PTPRD: variants seen among roughly 807,000 people sequenced by gnomAD.
PTPRD encodes the protein receptor-type tyrosine-protein phosphatase delta.
A neutral mutation model predicts 214.5 loss-of-function variants in PTPRD; 34 were observed. The ratio of observed to expected loss-of-function variants is 0.16; its 90% CI spans 0.12 to 0.21. PTPRD has a LOEUF of 0.21. Ranked by LOEUF, PTPRD falls within the 10% of genes least tolerant of loss-of-function variation. The pLI is 1.00. For missense variants in PTPRD, 2,545 were observed against 2,398.7 expected, an observed-to-expected ratio of 1.06 and a Z score of -1.27; for synonymous variants, 1,128 against 845.7, an observed-to-expected ratio of 1.33 and a Z score of -5.79.
intron 6 of PTPRD, among the ~76,000 whole-genome samples, chr9:9,763,346 C>A (rs1252212071): frequency 6.6e-6 from 1 of 152,076 alleles, no homozygotes. Context: ...AAAAGCACAT[C>A]AAATACATGA....
chr9:10,297,619 G>A (rs2095720629), intron 3 of PTPRD, among the ~76,000 whole-genome samples: 1 of 150,976 alleles, frequency 6.6e-6, no homozygotes, highest in Non-Finnish European at 1.5e-5. Flanking sequence ...AGTTGCTGGT[G>A]TACACTCTAG....
chr9:10,031,273 G>A (rs76935406), intron 4 of PTPRD, among the ~76,000 whole-genome samples: 9,106 of 152,054 alleles, frequency 0.06, 372 homozygotes, highest in Non-Finnish European at 0.088. Context: ...CTGTTAACTC[G>A]ATTGGATTGA....
intron 9 of PTPRD, among the ~76,000 whole-genome samples, chr9:9,230,311 G>T (rs940003163): frequency 1.3e-5 from 2 of 152,086 alleles, no homozygotes; most frequent in African/African-American, 4.8e-5. Context: ...AACAAAATTT[G>T]ACGAGCTTCC....
intron 9 of PTPRD, among the ~76,000 whole-genome samples, chr9:9,282,266 C>T (rs936824731): frequency 1.3e-5 from 2 of 151,102 alleles, no homozygotes; most frequent in African/African-American, 4.8e-5. Context: ...ATTGATGCTA[C>T]CAAATGTACC....
chr9:9,247,696 G>A (rs939702518), intron 9 of PTPRD, among the ~76,000 whole-genome samples: 2 of 152,142 alleles, frequency 1.3e-5, no homozygotes, highest in East Asian at 1.9e-4. Context: ...CTCCAGCAGG[G>A]AGTCACCTCT....
intron 9 of PTPRD, among the ~76,000 whole-genome samples, chr9:9,371,856 T>G (rs2059595322): frequency 6.6e-6 from 1 of 152,186 alleles, no homozygotes; most frequent in South Asian, 2.1e-4. Flanking sequence ...ATTTCTGTCT[T>G]CATTTCGTTA....
intron 11 of PTPRD, among the ~76,000 whole-genome samples, chr9:8,954,808 A>G (rs911814764): frequency 6.6e-6 from 1 of 151,952 alleles, no homozygotes; most frequent in African/African-American, 2.4e-5. Context: ...CAAGGTCTCA[A>G]TGTAAAGATT....
At chr9:8,322,908 C>T (rs1187588438) in intron 44 of PTPRD, among the ~76,000 whole-genome samples, 3 of 152,126 alleles carry the variant, frequency 2.0e-5, no homozygotes, top group Admixed American at 2.0e-4. Context: ...AGCCAAAGCT[C>T]ATTTACCATT....
chr9:9,857,420 G>A (rs2061759595), intron 5 of PTPRD, among the ~76,000 whole-genome samples: 1 of 152,154 alleles, frequency 6.6e-6, no homozygotes, highest in Non-Finnish European at 1.5e-5. Context: ...GAATAAATGT[G>A]CAGTATCTCT....
At chr9:9,077,519 C>T (rs2099753040) in intron 10 of PTPRD, among the ~76,000 whole-genome samples, 1 of 152,024 alleles carries the variant, frequency 6.6e-6, no homozygotes, top group Non-Finnish European at 1.5e-5. Context: ...AATACATACA[C>T]ATGCCAGAAT....
chr9:8,723,774 A>G (rs560242135), intron 12 of PTPRD, among the ~76,000 whole-genome samples: 1 of 152,224 alleles, frequency 6.6e-6, no homozygotes, highest in South Asian at 2.1e-4. Context: ...TTCTCTATAT[A>G]TTTATCTTTA....
At chr9:9,166,287 C>T (rs1343671328) in intron 10 of PTPRD, among the ~76,000 whole-genome samples, 1 of 151,908 alleles carries the variant, frequency 6.6e-6, no homozygotes, top group African/African-American at 2.4e-5. Context: ...TGACATATTC[C>T]TATACTCTCT....
At chr9:8,565,219 G>A (rs1029447240) in intron 14 of PTPRD, among the ~76,000 whole-genome samples, 2 of 151,954 alleles carry the variant, frequency 1.3e-5, no homozygotes, top group African/African-American at 2.4e-5. Context: ...TGGGCTGGAG[G>A]ACCGGGGAGT....
At chr9:9,174,600 T>C (rs1455519644) in intron 10 of PTPRD, among the ~76,000 whole-genome samples, 1 of 152,136 alleles carries the variant, frequency 6.6e-6, no homozygotes, top group East Asian at 1.9e-4. Flanking sequence ...AATTGTGTAA[T>C]ATGTTCTCCT....
intron 30 of PTPRD, among the ~76,000 whole-genome samples, chr9:8,478,935 T>C (rs28588467): frequency 0.049 from 7,395 of 152,232 alleles, 605 homozygotes; most frequent in African/African-American, 0.17. Context: ...AGAAAACAGG[T>C]GTCAATCACC....
chr9:9,637,375 C>G (rs942572463), intron 7 of PTPRD, among the ~76,000 whole-genome samples: 54 of 152,226 alleles, frequency 3.5e-4, no homozygotes, highest in Non-Finnish European at 2.1e-4. Context: ...TTATGTACTT[C>G]CAAAATATGA....
At chr9:10,281,480 C>G (rs967535646) in intron 3 of PTPRD, among the ~76,000 whole-genome samples, 1 of 152,158 alleles carries the variant, frequency 6.6e-6, no homozygotes, top group African/African-American at 2.4e-5. Flanking sequence ...TACAGTTGCT[C>G]TTGTGAAGCC....
At chr9:8,833,363 C>A (rs1447681898) in intron 11 of PTPRD, among the ~76,000 whole-genome samples, 1 of 151,820 alleles carries the variant, frequency 6.6e-6, no homozygotes, top group Admixed American at 6.6e-5. Flanking sequence ...AAGTAACAGG[C>A]AGAGAAATGA....
intron 35 of PTPRD, among the ~76,000 whole-genome samples, chr9:8,427,177 T>C (rs1019489576): frequency 4.6e-5 from 7 of 152,142 alleles, no homozygotes; most frequent in Admixed American, 1.3e-4. Flanking sequence ...CTTTATTCAG[T>C]AGGTACTTTT....
Sources: allele counts gnomAD v4.1 joint callset (sites outside exome capture counted in the v4.1 genomes callset), GRCh38; gene constraint gnomAD v4.1.1; transcripts MANE v1.5; gene names NCBI Gene and HGNC (gene_info 2026-07-23, HGNC 2026-07-21).